SLC9C1: variants seen among roughly 807,000 people sequenced by gnomAD.
SLC9C1 encodes sodium/hydrogen exchanger 10.
Under a neutral mutation model 140.9 loss-of-function variants are expected in SLC9C1, and 97 were observed. That is an observed-to-expected ratio of 0.69 (90% confidence interval 0.58 to 0.82). The LOEUF (loss-of-function observed/expected upper bound fraction) is 0.82. Ranked by LOEUF, SLC9C1 falls within the 40% of genes least tolerant of loss-of-function variation. The pLI is 0.00. For missense variants in SLC9C1, 1,340 were observed against 1,389.3 expected (o/e 0.96, Z 0.56); for synonymous variants, 440 against 442.6 (o/e 0.99, Z 0.07).
chr3:112,157,726 A>T (rs13088733), intron 26 of SLC9C1, among the ~76,000 whole-genome samples: 1 of 150,818 alleles, frequency 6.6e-6, no homozygotes, highest in South Asian at 2.1e-4. Flanking sequence ...TTTCTTGTAG[A>T]GATCTTTCAC....
At chr3:112,255,266 AAAC>A (rs1221077706) in intron 10 of SLC9C1, among the ~76,000 whole-genome samples, 2 of 152,166 alleles carry the variant, frequency 1.3e-5, no homozygotes, top group Non-Finnish European at 2.9e-5. Context: ...CTCCATCAAA[AAAC>A]AACAGAATAT....
At chr3:112,172,826 A>G (rs1044223205) in intron 23 of SLC9C1, among the ~76,000 whole-genome samples, 3 of 152,028 alleles carry the variant, frequency 2.0e-5, no homozygotes, top group African/African-American at 7.2e-5. Flanking sequence ...TTTTCTTATA[A>G]TGTGTTGAAT....
At chr3:112,166,033 G>A (rs1002647730) in intron 26 of SLC9C1, among the ~76,000 whole-genome samples, 1 of 140,540 alleles carries the variant, frequency 7.1e-6, no homozygotes. Context: ...TGTGCTAGCA[G>A]TGAGTGAGGC....
At position 112,233,770 on chromosome 3, in the gene SLC9C1, G is replaced by A. The variant is rs1209952273; in HGVS notation, c.1447-2284C>T. ...CTTGTGATAGTTGGCTGAGAATGAT[G>A]GTTTCCAGCTTCATCCATGTCCCTA... On this transcript the variant is annotated intron_variant, in intron 12 of 28. Transcript: ENST00000305815. Among the ~76,000 whole-genome samples the A allele has an allele frequency of 7.4e-4, 113 of 151,890 alleles. 2 individuals are homozygous for A. Among genetic ancestry groups the A allele is most frequent in the Non-Finnish European group, 1.6e-4 (11 of 67,968 alleles).
intron 1 of SLC9C1, among the ~76,000 whole-genome samples, chr3:112,288,399 CA>C (rs2080581618): frequency 6.6e-6 from 1 of 152,086 alleles, no homozygotes; most frequent in Non-Finnish European, 1.5e-5. Flanking sequence ...ATTATTGTAT[CA>C]CCAGCATCAA....
chr3:112,277,656 T>C (rs1269802596), intron 5 of SLC9C1, 39 bp downstream of exon 5: 1 of 1,422,012 alleles, frequency 7.0e-7, no homozygotes, highest in Non-Finnish European at 9.3e-7. Flanking sequence ...TTATGAAATA[T>C]GATATTATAA....
chr3:112,205,339 T>C (rs1183368344), intron 16 of SLC9C1, among the ~76,000 whole-genome samples: 2 of 151,744 alleles, frequency 1.3e-5, no homozygotes, highest in Non-Finnish European at 2.9e-5. Context: ...GGAATCCAAC[T>C]TACAAGGGAC....
At position 112,278,813 on chromosome 3, in the gene SLC9C1, TAA is replaced by T. The variant is rs780346779; in HGVS notation, c.232_233del (p.Leu78IlefsTer16). The T allele has an allele frequency of 1.2e-6, 2 of 1,611,198 alleles. No homozygotes were observed. The highest frequency in any genetic ancestry group is 2.2e-5 in the South Asian group (2 of 90,752). On this transcript the variant is annotated frameshift_variant, in exon 4 of 29. Transcript: ENST00000305815. LOFTEE classifies it high-confidence loss of function. Reference sequence around the variant, plus strand: ...CTACTGGTGTAAATATACGAAAAAATAAGTCTGGACTCATCCATTGTATGGCG... The same window carrying T: ...CTACTGGTGTAAATATACGAAAAAATGTCTGGACTCATCCATTGTATGGCG... ...ANAIQWMSPDLFFRIFTPVVF... is the reference protein window; with the variant it reads ...ANAIQWMSPDXFFRIFTPVVF...
intron 23 of SLC9C1, among the ~76,000 whole-genome samples, chr3:112,173,577 C>T (rs2077284283): frequency 6.6e-6 from 1 of 152,160 alleles, no homozygotes; most frequent in Non-Finnish European, 1.5e-5. Context: ...ATAATAGTGT[C>T]CACCTCCATC....
chr3:112,246,499 C>T (rs2079288833), intron 10 of SLC9C1, among the ~76,000 whole-genome samples: 1 of 152,088 alleles, frequency 6.6e-6, no homozygotes, highest in African/African-American at 2.4e-5. Context: ...ATTTTCCTAT[C>T]ATACTCCAGC....
intron 17 of SLC9C1, 138 bp downstream of exon 17, chr3:112,204,080 C>T: frequency 1.0e-6 from 1 of 982,116 alleles, no homozygotes; most frequent in South Asian, 3.6e-5. Context: ...CTTAATTTGC[C>T]AAAGGAAGCT....
chr3:112,155,221 A>C (rs775986120), intron 26 of SLC9C1, among the ~76,000 whole-genome samples, 172 bp from the exon 27 acceptor site: 1 of 152,208 alleles, frequency 6.6e-6, no homozygotes, highest in Non-Finnish European at 1.5e-5. Flanking sequence ...AAAAGTGATT[A>C]TAAGTCTTTT....
At chr3:112,234,123 C>T (rs1267900101) in intron 12 of SLC9C1, among the ~76,000 whole-genome samples, 3 of 152,150 alleles carry the variant, frequency 2.0e-5, no homozygotes, top group Non-Finnish European at 2.9e-5. Context: ...CCTATTTCTC[C>T]ACATCCCTCT....
chr3:112,174,099 G>A (rs7649127), intron 23 of SLC9C1, among the ~76,000 whole-genome samples: 4 of 152,174 alleles, frequency 2.6e-5, no homozygotes, highest in East Asian at 1.9e-4. Context: ...GAAAATTGTC[G>A]GTTCATATGG....
In SLC9C1 at chr3:112,269,904, C is replaced by A. The variant is rs778784960; in HGVS notation, c.775+12G>T. On this transcript the variant is annotated intron_variant, in intron 7 of 28. Transcript: ENST00000305815. ...TATGTGATTTTATTTTAGGCATAGG[C>A]CCCTCACTTACAAATATAAAAGATG... 1.3e-6 allele frequency: 2 copies of A among 1,489,858 alleles called. No individual in the cohort carries two copies. Among genetic ancestry groups the A allele is most frequent in the Non-Finnish European group, 1.8e-6 (2 of 1,121,614 alleles). The allele number at this position is 1,489,858 out of a possible 1,614,324, so 92.3% of individuals were successfully genotyped here.
At chr3:112,169,666 A>AT (rs1322493496) in intron 23 of SLC9C1, among the ~76,000 whole-genome samples, 1 of 152,148 alleles carries the variant, frequency 6.6e-6, no homozygotes, top group African/African-American at 2.4e-5. Flanking sequence ...AGGTGATGTG[A>AT]TTCCCCCAGC....
intron 15 of SLC9C1, among the ~76,000 whole-genome samples, chr3:112,210,121 C>G (rs2078162093): frequency 6.6e-6 from 1 of 152,156 alleles, no homozygotes; most frequent in African/African-American, 2.4e-5. Flanking sequence ...ACTCAAGAAA[C>G]TAAATATAGA....
At chr3:112,280,637 A>G in intron 3 of SLC9C1, 46 bp downstream of exon 3, 1 of 1,494,044 alleles carries the variant, frequency 6.7e-7, no homozygotes, top group Non-Finnish European at 9.0e-7. Context: ...CTGCATTTAT[A>G]TAATTCTCAA....
Position 112,157,468 on chromosome 3 carries a change from G to A in SLC9C1, c.3365-2419C>T, listed in dbSNP as rs150836334. Among the ~76,000 whole-genome samples, 1,004 of 152,116 alleles carry A rather than the reference G, an allele frequency of 6.6e-3. 16 individuals carry two copies. The highest frequency in any genetic ancestry group is 0.023 in the African/African-American group (964 of 41,528). On this transcript the variant is annotated intron_variant, in intron 26 of 28. Coordinates refer to ENST00000305815, the MANE Select transcript of SLC9C1 (RefSeq NM_183061.3). ...CGGGTAATGTGATGCCTCTGGTTTTGTTCTTTTTGCTCAAGACTGCTGTGG... is the reference window on the plus strand; with the variant it reads ...CGGGTAATGTGATGCCTCTGGTTTTATTCTTTTTGCTCAAGACTGCTGTGG...
Sources: allele counts gnomAD v4.1 joint callset (sites outside exome capture counted in the v4.1 genomes callset), GRCh38; gene constraint gnomAD v4.1.1; transcripts MANE v1.5; gene names NCBI Gene and HGNC (gene_info 2026-07-23, HGNC 2026-07-21).